LRMDA: variants seen among roughly 807,000 people sequenced by gnomAD.
The protein encoded by LRMDA is leucine rich melanocyte differentiation associated.
Under a neutral mutation model 29.8 loss-of-function variants are expected in LRMDA, and 18 were observed. That is an observed-to-expected ratio of 0.60 (90% CI 0.42 to 0.90). The LOEUF (loss-of-function observed/expected upper bound fraction) is 0.90. LRMDA is among the 40% of genes least tolerant of loss of function. The probability of loss-of-function intolerance (pLI) is 0.00; values close to 1 mark genes in which losing one functional copy is unlikely to be tolerated. For missense variants in LRMDA, 273 were observed against 273.9 expected (o/e 1.00, Z 0.02); for synonymous variants, 125 against 109.4 (o/e 1.14, Z -0.89).
intron 5 of LRMDA, among the ~76,000 whole-genome samples, chr10:76,194,278 G>A (rs1851296045): frequency 6.6e-6 from 1 of 152,182 alleles, no homozygotes; most frequent in Non-Finnish European, 1.5e-5. Context: ...GGAATCAGGA[G>A]CATCTCAATT....
chr10:75,677,658 T>C (rs1257936624), intron 2 of LRMDA, among the ~76,000 whole-genome samples: 1 of 152,166 alleles, frequency 6.6e-6, no homozygotes, highest in African/African-American at 2.4e-5. Context: ...TATTTCTTGT[T>C]TTCTGTTTTG....
intron 2 of LRMDA, among the ~76,000 whole-genome samples, chr10:75,441,260 T>C (rs1477248103): frequency 6.6e-6 from 1 of 152,178 alleles, no homozygotes; most frequent in East Asian, 1.9e-4. Context: ...CCCCTCACTA[T>C]ATCCGTGGGA....
intron 5 of LRMDA, among the ~76,000 whole-genome samples, chr10:76,114,624 A>G (rs533593014): frequency 4.2e-4 from 64 of 152,278 alleles, no homozygotes; most frequent in Admixed American, 7.8e-4. Context: ...TAGGTAGGAG[A>G]GTCCCCAAGC....
chr10:76,022,246 A>G (rs1423680731), intron 2 of LRMDA, among the ~76,000 whole-genome samples: 4 of 151,864 alleles, frequency 2.6e-5, no homozygotes, highest in Admixed American at 1.3e-4. Flanking sequence ...CAGAGTGTCT[A>G]ATCCATAGGA....
At chr10:76,509,351 G>A (rs149052742) in intron 6 of LRMDA, among the ~76,000 whole-genome samples, 106 of 152,242 alleles carry the variant, frequency 7.0e-4, no homozygotes, top group African/African-American at 1.8e-3. Context: ...TGAAGGGTTG[G>A]GAGAACAGGC....
intron 2 of LRMDA, among the ~76,000 whole-genome samples, chr10:75,529,686 A>T (rs1024111075): frequency 6.6e-5 from 10 of 152,200 alleles, no homozygotes; most frequent in Admixed American, 6.5e-4. Flanking sequence ...TTGGCTAAGA[A>T]ATTGTTATTG....
At chr10:76,316,142 AAGG>A (rs879685340) in intron 5 of LRMDA, among the ~76,000 whole-genome samples, 5 of 152,168 alleles carry the variant, frequency 3.3e-5, no homozygotes, top group East Asian at 3.9e-4. Flanking sequence ...AGGTAATGAG[AAGG>A]AGAAGAGCTG....
intron 2 of LRMDA, among the ~76,000 whole-genome samples, chr10:75,474,323 G>A (rs1564780491): frequency 6.6e-6 from 1 of 152,212 alleles, no homozygotes; most frequent in Non-Finnish European, 1.5e-5. Context: ...GCTGGCTTAT[G>A]AACAGCAGAA....
intron 2 of LRMDA, among the ~76,000 whole-genome samples, chr10:75,967,472 T>C (rs547164295): frequency 1.6e-4 from 25 of 152,312 alleles, no homozygotes; most frequent in African/African-American, 5.1e-4. Flanking sequence ...ATAACGCATA[T>C]GTTATAATCG....
chr10:75,633,657 A>G (rs568394897), intron 2 of LRMDA, among the ~76,000 whole-genome samples: 1 of 152,342 alleles, frequency 6.6e-6, no homozygotes, highest in African/African-American at 2.4e-5. Flanking sequence ...TAACTGTATC[A>G]AAGTGGACTT....
rs558891497 is a variant in LRMDA, at chr10:75,754,552, A to G, written c.132-281456A>G. On this transcript the variant is annotated intron_variant, in intron 2 of 6. Transcript: ENST00000611255. The stretch of plus-strand genomic sequence containing the variant: ...GCCTAACTGCACGGGGTGAACTTTT[A>G]TATTTTTATGGGCTTTGTTGTTTTT... Among the ~76,000 whole-genome samples, 27 of 152,334 alleles carry G rather than the reference A, an allele frequency of 1.8e-4. No individual in the cohort carries two copies. In the South Asian group the frequency reaches 5.4e-3, roughly 30 times the overall value.
chr10:75,878,669 C>T (rs950501109), intron 2 of LRMDA, among the ~76,000 whole-genome samples: 1 of 152,096 alleles, frequency 6.6e-6, no homozygotes, highest in Non-Finnish European at 1.5e-5. Context: ...AGTGCCTGTT[C>T]TCACTTAGAT....
Position 76,209,601 on chromosome 10 carries a change from A to C in LRMDA, c.517-114800A>C, listed in dbSNP as rs562293881. Among the ~76,000 whole-genome samples the C allele has an allele frequency of 3.3e-5, 5 of 152,310 alleles. No homozygotes were observed. The South Asian group carries it at 1.0e-3, about 32-fold the overall frequency. ...ATTTCTGGGGTCCTTGCTTTGAGTT[A>C]TCTCTCCTTCAATATCAAGATAAGG... is the stretch of plus-strand genomic sequence containing the variant. On this transcript the variant is annotated intron_variant, in intron 5 of 6. Transcript: ENST00000611255.
At chr10:76,230,095 C>T (rs1852030880) in intron 5 of LRMDA, among the ~76,000 whole-genome samples, 2 of 151,942 alleles carry the variant, frequency 1.3e-5, no homozygotes, top group South Asian at 4.2e-4. Context: ...TGGGTCTCTC[C>T]TGCCCTGCTG....
At chr10:76,146,060 T>A (rs1850311282) in intron 5 of LRMDA, among the ~76,000 whole-genome samples, 2 of 152,038 alleles carry the variant, frequency 1.3e-5, no homozygotes, top group Non-Finnish European at 2.9e-5. Flanking sequence ...GAGAGACAGT[T>A]TGTTATAATT....
intron 2 of LRMDA, among the ~76,000 whole-genome samples, chr10:75,720,173 G>A (rs1473747650): frequency 6.6e-6 from 1 of 152,092 alleles, no homozygotes; most frequent in Non-Finnish European, 1.5e-5. Flanking sequence ...CAAAATTTGA[G>A]AATCCTGAGA....
intron 5 of LRMDA, among the ~76,000 whole-genome samples, chr10:76,322,820 G>A (rs1177665334): frequency 1.3e-5 from 2 of 152,064 alleles, no homozygotes; most frequent in Admixed American, 6.5e-5. Flanking sequence ...GATCTAGGGA[G>A]GATGACCCCT....
chr10:76,126,366 C>G (rs992316849), intron 5 of LRMDA, among the ~76,000 whole-genome samples: 1 of 152,188 alleles, frequency 6.6e-6, no homozygotes, highest in African/African-American at 2.4e-5. Context: ...CTGCATATAT[C>G]AATCTTAGGG....
At chr10:75,454,895 G>A (rs1844498587) in intron 2 of LRMDA, among the ~76,000 whole-genome samples, 2 of 152,232 alleles carry the variant, frequency 1.3e-5, no homozygotes, top group Admixed American at 1.3e-4. Context: ...CTCTGCCTCT[G>A]AGGAGCACTG....
Sources: allele counts gnomAD v4.1 joint callset (sites outside exome capture counted in the v4.1 genomes callset), GRCh38; gene constraint gnomAD v4.1.1; transcripts MANE v1.5; gene names NCBI Gene and HGNC (gene_info 2026-07-23, HGNC 2026-07-21).